The following ATP11A variants were observed in gnomAD, a reference collection of about 807,000 sequenced individuals.
ATP11A encodes the protein phospholipid-transporting ATPase IH.
ATP11A carries 81 observed loss-of-function variants against 154.4 expected under a neutral mutation model. The ratio of observed to expected loss-of-function variants is 0.52; its 90% CI spans 0.44 to 0.63. ATP11A has a LOEUF of 0.63. Among genes scored for constraint, ATP11A ranks in the 30% least tolerant of loss-of-function variants. ATP11A has a pLI of 0.00. For missense variants in ATP11A, 1,316 were observed against 1,474.3 expected (o/e 0.89, Z 1.76); for synonymous variants, 623 against 585.9 (o/e 1.06, Z -0.91).
chr13:112,800,294 A>G lies in ATP11A; in HGVS notation c.163-4663A>G, dbSNP rs185343695. ...AAAAGAAAAGAGACACAAATTCCAA[A>G]CATCAGAAATAAAGGAGGGGCATCA... is the stretch of plus-strand genomic sequence containing the variant. On this transcript the variant is annotated intron_variant, in intron 2 of 29. Transcript: ENST00000375645. Among the ~76,000 whole-genome samples the G allele has an allele frequency of 2.6e-3, 399 of 152,284 alleles. 2 individuals carry two copies. Among genetic ancestry groups the G allele is most frequent in the African/African-American group, 9.4e-3 (391 of 41,572 alleles).
chr13:112,811,161 A>AACACACACACACACACACACAAACACAC (rs1392664308), intron 5 of ATP11A, among the ~76,000 whole-genome samples: 65 of 115,586 alleles, frequency 5.6e-4, no homozygotes, highest in African/African-American at 2.1e-3. Context: ...TGCCCCTTCC[A>AACACACACACACACACACACAAACACAC]ACACACACAC....
At position 112,873,606 on chromosome 13, in the gene ATP11A, A is replaced by C; in HGVS notation, c.3091A>C (p.Asn1031His). ...GGACACACACTACTGGACTTGGATC[A>C]ACCATTTTGTCATCTGGGGGTCGCT... is the stretch of plus-strand genomic sequence containing the variant. ...ALDTHYWTWINHFVIWGSLLF... is the reference protein window; with the variant it reads ...ALDTHYWTWIHHFVIWGSLLF... The change falls in exon 27 of 30, where the codon AAC becomes CAC. Residue 1031 changes from asparagine (N) to histidine (H), a missense_variant. Physicochemically the swap from Asn to His is moderately conservative, Grantham distance 68 (BLOSUM62 1). This residue lies in a region of ATP11A where 294 missense variants were observed against 290.2 expected (regional missense o/e 1.01). Coordinates refer to ENST00000375645, the MANE Select transcript of ATP11A (RefSeq NM_015205.3). 6.2e-7 allele frequency: 1 copy of C among 1,612,384 alleles called. No individual in the cohort carries two copies. The highest frequency in any genetic ancestry group is 8.5e-7 in the Non-Finnish European group (1 of 1,179,604).
chr13:112,762,251 C>T lies in ATP11A; in HGVS notation c.40-22884C>T, dbSNP rs138408435. ...GGGTCCTGCTGGCCTCCTATCACAG[C>T]GAGGTTGGAATCTGTACTGTGGAGA... On this transcript the variant is annotated intron_variant, in intron 1 of 29. Transcript: ENST00000375645. Among the ~76,000 whole-genome samples, 526 of 152,206 alleles carry T rather than the reference C, an allele frequency of 3.5e-3. 2 individuals carry two copies. Among genetic ancestry groups the T allele is most frequent in the South Asian group, 0.015 (72 of 4,814 alleles).
intron 18 of ATP11A, chr13:112,851,878 A>T (rs1291112823): frequency 6.6e-6 from 1 of 152,248 alleles, no homozygotes; most frequent in Non-Finnish European, 1.5e-5. Flanking sequence ...ACTTGTTGCT[A>T]GTTCTTTCCA....
chr13:112,862,168 A>G (rs1053524240), intron 24 of ATP11A, among the ~76,000 whole-genome samples: 1 of 152,262 alleles, frequency 6.6e-6, no homozygotes, highest in African/African-American at 2.4e-5. Flanking sequence ...AAGCAGCAGC[A>G]TGTGGCAGCA....
chr13:112,785,119 G>A lies in ATP11A; in HGVS notation c.40-16G>A, dbSNP rs368654745. On this transcript the variant is annotated splice_polypyrimidine_tract_variant and intron_variant, in intron 1 of 29. Coordinates refer to ENST00000375645, the MANE Select transcript of ATP11A (RefSeq NM_015205.3). This position sits in a 1 kb window ranked among gnomAD's most constrained non-coding sequence, Gnocchi z 4.8. Reference sequence around the variant, plus strand: ...GGTTCTGAGGCAGCTGCCTAACACCGCTCTCCTTTCCGCAGTGTGCAGGAG... The same window carrying A: ...GGTTCTGAGGCAGCTGCCTAACACCACTCTCCTTTCCGCAGTGTGCAGGAG... 8.5e-5 allele frequency: 124 copies of A among 1,455,162 alleles called. 3 individuals carry two copies. The Middle Eastern group carries it at 1.1e-3, about 13-fold the overall frequency. 90.1% of individuals were successfully genotyped at this position (1,455,162 alleles called of 1,614,324 possible).
rs1245880703 is a variant in ATP11A, at chr13:112,785,958, C to G, written c.162+701C>G. On this transcript the variant is annotated intron_variant, in intron 2 of 29. Transcript: ENST00000375645. The surrounding 1 kb of genome is among the most constrained non-coding windows in gnomAD (Gnocchi z 4.8). The stretch of plus-strand genomic sequence containing the variant: ...CCTGCGTTCAGACTCCATTTATCTT[C>G]ACCGTCCTTCAAAATGGATGAGCTA... Among the ~76,000 whole-genome samples the G allele has an allele frequency of 1.3e-5, 2 of 149,736 alleles. No homozygotes were observed. Among genetic ancestry groups the G allele is most frequent in the African/African-American group, 2.5e-5 (1 of 40,440 alleles).
rs1420816917 is a variant in ATP11A, at chr13:112,772,376, CAGTG to C, written c.40-12758_40-12755del. ...ATGTGGCTGGAAGCAGGGCAGTGAG[CAGTG>C]CTCAGCCTGTCGCGAGTGTGTAGGA... On this transcript the variant is annotated intron_variant, in intron 1 of 29. Transcript: ENST00000375645. Among the ~76,000 whole-genome samples, 6 of 152,322 alleles carry C rather than the reference CAGTG, an allele frequency of 3.9e-5. No homozygotes were observed. The East Asian group carries it at 1.2e-3, about 29-fold the overall frequency.
At chr13:112,843,032 C>T (rs1290957453) in intron 17 of ATP11A, among the ~76,000 whole-genome samples, 1 of 152,344 alleles carries the variant, frequency 6.6e-6, no homozygotes, top group East Asian at 1.9e-4. Context: ...GGACACGCTC[C>T]CTCCTGTCAG....
chr13:112,737,427 C>T (rs1435245306), intron 1 of ATP11A, among the ~76,000 whole-genome samples: 1 of 152,196 alleles, frequency 6.6e-6, no homozygotes, highest in African/African-American at 2.4e-5. Flanking sequence ...ACTCATGTGG[C>T]GTTAAATATT....
intron 29 of ATP11A, chr13:112,881,578 G>C: frequency 1.7e-6 from 2 of 1,174,684 alleles, no homozygotes; most frequent in Middle Eastern, 3.9e-4. Flanking sequence ...CGGTCACTCT[G>C]TTGGTACTGA....
intron 8 of ATP11A, among the ~76,000 whole-genome samples, chr13:112,821,985 C>A (rs2078808613): frequency 6.6e-6 from 1 of 152,206 alleles, no homozygotes; most frequent in Non-Finnish European, 1.5e-5. Flanking sequence ...TCAGCCGCAG[C>A]CTGGGGTAGA....
chr13:112,878,002 G>A (rs2080779642), intron 28 of ATP11A, among the ~76,000 whole-genome samples: 1 of 152,210 alleles, frequency 6.6e-6, no homozygotes, highest in Non-Finnish European at 1.5e-5. Flanking sequence ...ATAAAGCAGG[G>A]GGTGGGAGGG....
intron 8 of ATP11A, among the ~76,000 whole-genome samples, chr13:112,821,313 T>TA (rs2078791591): frequency 6.6e-6 from 1 of 152,250 alleles, no homozygotes; most frequent in African/African-American, 2.4e-5. Flanking sequence ...TTATTTTATA[T>TA]ATTTTATTTT....
intron 25 of ATP11A, among the ~76,000 whole-genome samples, chr13:112,868,615 G>A (rs371263936): frequency 6.6e-6 from 1 of 152,186 alleles, no homozygotes; most frequent in Non-Finnish European, 1.5e-5. Context: ...TGGAAGAAAA[G>A]GGTCCCTGTG....
chr13:112,854,463 G>A lies in ATP11A; in HGVS notation c.2176G>A (p.Val726Ile), dbSNP rs528180336. The part of the protein sequence containing the change: ...KRIEEQSLHD[V>I]LFELSKTVLR... The stretch of plus-strand genomic sequence containing the variant: ...GATCGAGGAGCAGAGCCTGCACGAC[G>A]TCCTGTTCGAGCTGAGCAAGACGGT... The change falls in exon 19 of 30, where the codon GTC becomes ATC. Residue 726 changes from valine to isoleucine, a missense_variant. By Grantham distance (29) the Val-to-Ile change is conservative. This residue lies in a region of ATP11A where 876 missense variants were observed against 1,006.8 expected (regional missense o/e 0.87). Coordinates refer to ENST00000375645, the MANE Select transcript of ATP11A (RefSeq NM_015205.3). The A allele has an allele frequency of 5.3e-5, 85 of 1,612,654 alleles. No individual in the cohort carries two copies. The highest frequency in any genetic ancestry group is 8.0e-5 in the African/African-American group (6 of 75,008).
At chr13:112,779,099 C>G (rs1337208080) in intron 1 of ATP11A, among the ~76,000 whole-genome samples, 1 of 83,348 alleles carries the variant, frequency 1.2e-5, no homozygotes, top group African/African-American at 5.3e-5. Context: ...GGAGTAGCCA[C>G]TGGAGTGAGT....
chr13:112,787,423 A>G (rs1170050790), intron 2 of ATP11A, among the ~76,000 whole-genome samples: 1 of 127,506 alleles, frequency 7.8e-6, no homozygotes, highest in African/African-American at 4.0e-5. Flanking sequence ...ACCCCTGTGG[A>G]GACCTACTTA....
chr13:112,810,573 C>T, intron 4 of ATP11A, 46 bp from the exon 5 acceptor site: 2 of 1,501,552 alleles, frequency 1.3e-6, no homozygotes, highest in South Asian at 1.1e-5. Flanking sequence ...CTCCTCCTTC[C>T]CTCTCTCCCT....
Sources: gnomAD v4.1 joint callset for allele counts (sites outside exome capture counted in the v4.1 genomes callset) on GRCh38, gnomAD v4.1.1 for gene constraint, gnomAD v4.1.1 regional missense constraint, Gnocchi (gnomAD v3.1) non-coding constraint, MANE v1.5 for transcripts, NCBI Gene and HGNC (gene_info 2026-07-23, HGNC 2026-07-21) for gene names.